EYA1: variants seen among roughly 807,000 people sequenced by gnomAD.
EYA1 encodes protein phosphatase EYA1.
In EYA1, 16 loss-of-function variants were observed where a neutral mutation model predicts 82.0. The observed-to-expected ratio is 0.20, with a 90% CI of 0.13 to 0.30. The LOEUF (loss-of-function observed/expected upper bound fraction) is 0.30, where lower values mean the gene tolerates loss of function less well. Ranked by LOEUF, EYA1 falls within the 10% of genes least tolerant of loss-of-function variation. EYA1 has a pLI of 1.00. For missense variants in EYA1, 633 were observed against 730.7 expected (o/e 0.87, Z 1.54); for synonymous variants, 261 against 264.4 (o/e 0.99, Z 0.12).
intron 2 of EYA1, among the ~76,000 whole-genome samples, chr8:71,497,264 A>C (rs139549014): frequency 6.6e-6 from 1 of 152,284 alleles, no homozygotes; most frequent in African/African-American, 2.4e-5. Context: ...AAGTTTAGAA[A>C]TTTGTGTTGG....
At chr8:71,314,485 T>C (rs1400333872) in intron 7 of EYA1, among the ~76,000 whole-genome samples, 1 of 152,228 alleles carries the variant, frequency 6.6e-6, no homozygotes, top group Non-Finnish European at 1.5e-5. Flanking sequence ...ATCCCTTATC[T>C]GAAATGCTTG....
intron 2 of EYA1, among the ~76,000 whole-genome samples, chr8:71,460,345 T>C (rs1808270115): frequency 6.6e-6 from 1 of 152,208 alleles, no homozygotes; most frequent in Non-Finnish European, 1.5e-5. Flanking sequence ...GTTTTAAAAG[T>C]TTCCAGATGA....
intron 9 of EYA1, among the ~76,000 whole-genome samples, chr8:71,277,019 T>A (rs760880057): frequency 6.6e-6 from 1 of 151,652 alleles, no homozygotes; most frequent in Non-Finnish European, 1.5e-5. Flanking sequence ...TCAACAACCT[T>A]ATCTCTAACT....
At chr8:71,245,371 C>T (rs548969817) in intron 11 of EYA1, among the ~76,000 whole-genome samples, 41 of 152,074 alleles carry the variant, frequency 2.7e-4, no homozygotes, top group African/African-American at 7.2e-4. Flanking sequence ...GGACTACAGG[C>T]GCGCACCAAC....
chr8:71,272,261 T>G (rs1195111382), intron 9 of EYA1, among the ~76,000 whole-genome samples: 1 of 152,088 alleles, frequency 6.6e-6, no homozygotes, highest in African/African-American at 2.4e-5. Flanking sequence ...GGCTCACACA[T>G]TTGCCTCAGC....
At chr8:71,410,725 A>G (rs1490591731) in intron 2 of EYA1, among the ~76,000 whole-genome samples, 3 of 150,422 alleles carry the variant, frequency 2.0e-5, no homozygotes, top group Non-Finnish European at 3.0e-5. Flanking sequence ...CAAGGAAATA[A>G]AAGAGGATAG....
intron 2 of EYA1, among the ~76,000 whole-genome samples, chr8:71,486,053 C>T (rs972689133): frequency 6.6e-6 from 1 of 152,110 alleles, no homozygotes; most frequent in African/African-American, 2.4e-5. Context: ...TAGTGAGTAT[C>T]GGGTTGCATG....
At chr8:71,402,075 G>A (rs1296491314) in intron 2 of EYA1, among the ~76,000 whole-genome samples, 1 of 152,178 alleles carries the variant, frequency 6.6e-6, no homozygotes, top group East Asian at 1.9e-4. Flanking sequence ...AGGAACTTGA[G>A]TTATTCTGCC....
chr8:71,446,692 G>T (rs1349185015), intron 2 of EYA1, among the ~76,000 whole-genome samples: 5 of 152,048 alleles, frequency 3.3e-5, no homozygotes, highest in Non-Finnish European at 2.9e-5. Flanking sequence ...TTGAATTATT[G>T]CAACAGCTGT....
intron 2 of EYA1, among the ~76,000 whole-genome samples, chr8:71,395,621 C>T (rs904270540): frequency 2.3e-4 from 35 of 151,630 alleles, no homozygotes; most frequent in Admixed American, 3.9e-4. Flanking sequence ...TTGAATCAGC[C>T]TTGCATCCCA....
chr8:71,444,119 C>T (rs183717150), intron 2 of EYA1, among the ~76,000 whole-genome samples: 141 of 152,294 alleles, frequency 9.3e-4, no homozygotes, highest in African/African-American at 3.3e-3. Context: ...TGTTTATTTA[C>T]CCACCTATGC....
chr8:71,538,780 G>C (rs897978590), intron 1 of EYA1, among the ~76,000 whole-genome samples: 3 of 152,162 alleles, frequency 2.0e-5, no homozygotes, highest in Non-Finnish European at 2.9e-5. Context: ...CACTGATGGA[G>C]GATTAGTGGA....
intron 9 of EYA1, among the ~76,000 whole-genome samples, chr8:71,276,253 G>A (rs1254650066): frequency 6.6e-6 from 1 of 152,192 alleles, no homozygotes; most frequent in Non-Finnish European, 1.5e-5. Context: ...GCCAGTTGAT[G>A]GACTATATTT....
chr8:71,496,524 T>A (rs1255334026), intron 2 of EYA1, among the ~76,000 whole-genome samples: 2 of 152,216 alleles, frequency 1.3e-5, no homozygotes, highest in Non-Finnish European at 2.9e-5. Flanking sequence ...GAAAACAGAT[T>A]ATTCTGTTTC....
intron 2 of EYA1, among the ~76,000 whole-genome samples, chr8:71,493,617 A>G (rs889717164): frequency 3.3e-5 from 5 of 152,142 alleles, no homozygotes; most frequent in African/African-American, 1.2e-4. Context: ...CCCATTAGAG[A>G]AGGAAAGAAT....
At chr8:71,385,326 G>C (rs1828916813) in intron 2 of EYA1, among the ~76,000 whole-genome samples, 1 of 152,018 alleles carries the variant, frequency 6.6e-6, no homozygotes, top group Non-Finnish European at 1.5e-5. Context: ...GATGAGCCCA[G>C]TTCTCCATAT....
chr8:71,297,962 A>C (rs10504506), intron 9 of EYA1, among the ~76,000 whole-genome samples: 36,040 of 152,008 alleles, frequency 0.24, 4,673 homozygotes, highest in Admixed American at 0.29. Context: ...ATTGAAAGAC[A>C]AGAATGATGA....
intron 12 of EYA1, among the ~76,000 whole-genome samples, chr8:71,240,195 C>T (rs1812306787): frequency 6.6e-6 from 1 of 151,944 alleles, no homozygotes; most frequent in Non-Finnish European, 1.5e-5. Context: ...AAAGACCATC[C>T]ACAAGCCCCT....
rs377671575 is a variant in EYA1, at chr8:71,377,317, T to C, written c.34-20806A>G. 2.0e-5 allele frequency among the ~76,000 whole-genome samples: 3 copies of C among 152,130 alleles called. No individual in the cohort carries two copies. The East Asian group carries it at 5.8e-4, about 29-fold the overall frequency. ...GAAAGTGAAGCCATATTGGACATTC[T>C]AGCCCCAGCCACCATTTGACAGAAA... On this transcript the variant is annotated intron_variant, in intron 2 of 18. Coordinates refer to the EYA1 transcript ENST00000643681.
Sources: gnomAD v4.1 joint callset for allele counts (sites outside exome capture counted in the v4.1 genomes callset) on GRCh38, gnomAD v4.1.1 for gene constraint, MANE v1.5 for transcripts, NCBI Gene and HGNC (gene_info 2026-07-23, HGNC 2026-07-21) for gene names.